The following AP1B1 variants were observed in gnomAD, a reference collection of about 807,000 sequenced individuals.
The protein encoded by AP1B1 is AP-1 complex subunit beta-1.
In AP1B1, 36 loss-of-function variants were observed where a neutral mutation model predicts 104.3. That is an observed-to-expected ratio of 0.35 (90% confidence interval 0.26 to 0.46). The LOEUF is 0.46. AP1B1 is among the 20% of genes least tolerant of loss of function. AP1B1 has a pLI of 1.00. For missense variants in AP1B1, 901 were observed against 1,247.9 expected (o/e 0.72, Z 4.19); for synonymous variants, 504 against 517.5 (o/e 0.97, Z 0.35).
At chr22:29,340,956 G>C (rs1330997444) in intron 13 of AP1B1, 99 bp from the exon 14 acceptor site, 2 of 1,234,926 alleles carry the variant, frequency 1.6e-6, no homozygotes, top group Non-Finnish European at 2.3e-6. Flanking sequence ...GACAGGCACT[G>C]AGTCTCCTCA....
Position 29,351,784 on chromosome 22 carries a change from T to C in AP1B1, c.980A>G (p.Lys327Arg). 3 of 1,614,234 alleles carry C rather than the reference T, an allele frequency of 1.9e-6. No homozygotes were observed. The highest frequency in any genetic ancestry group is 2.5e-6 in the Non-Finnish European group (3 of 1,180,046). Reference sequence around the variant, plus strand: ...CTTCACGTAGATAGGGTCGTTGTACTTCACGAAGAACACCTTCATCTCATG... The same window carrying C: ...CTTCACGTAGATAGGGTCGTTGTACCTCACGAAGAACACCTTCATCTCATG... ...LKHEMKVFFV[K>R]YNDPIYVKLE... The change falls in exon 8 of 23, where the codon AAG (lysine) becomes AGG (arginine). Residue 327 changes from lysine (K) to arginine (R), a missense_variant. Physicochemically the swap from Lys to Arg is conservative, Grantham distance 26. Transcript: ENST00000357586.
At chr22:29,341,894 C>A in intron 12 of AP1B1, 134 bp from the exon 13 acceptor site, 1 of 1,072,370 alleles carries the variant, frequency 9.3e-7, no homozygotes, top group Middle Eastern at 2.9e-4. Context: ...CTCCCATGAG[C>A]CTGCCCCTAT....
rs199700353 is a variant in AP1B1, at chr22:29,334,457, C to A, written c.2164-47G>T. On this transcript the variant is annotated intron_variant, in intron 16 of 22. Coordinates refer to ENST00000357586, the MANE Select transcript of AP1B1 (RefSeq NM_001127.4). ...GGGGGCGGGTAGGTGCCTCTTCCTG[C>A]AGCCCAAACTCAACAGCCCACCTGA... 15 of 1,553,558 alleles carry A rather than the reference C, an allele frequency of 9.7e-6. No individual in the cohort carries two copies. The South Asian group carries it at 1.4e-4, about 15-fold the overall frequency.
intron 21 of AP1B1, 23 bp from the exon 22 acceptor site, chr22:29,329,743 G>C: frequency 6.2e-7 from 1 of 1,613,562 alleles, no homozygotes; most frequent in Non-Finnish European, 8.5e-7. Flanking sequence ...AACCAGCAGG[G>C]AAGGTGACAT....
intron 1 of AP1B1, among the ~76,000 whole-genome samples, chr22:29,368,409 T>C (rs1229252864): frequency 6.6e-6 from 1 of 152,204 alleles, no homozygotes; most frequent in African/African-American, 2.4e-5. Context: ...CAGTAGTTCT[T>C]CTGGGCAACA....
intron 1 of AP1B1, among the ~76,000 whole-genome samples, chr22:29,368,396 C>A (rs1393314632): frequency 2.0e-5 from 3 of 152,256 alleles, no homozygotes; most frequent in Non-Finnish European, 4.4e-5. Context: ...CTCCTATGTA[C>A]CTCAGTAGTT....
At chr22:29,381,685 TAGA>T (rs2062439127) in intron 1 of AP1B1, among the ~76,000 whole-genome samples, 1 of 152,136 alleles carries the variant, frequency 6.6e-6, no homozygotes, top group South Asian at 2.1e-4. Context: ...ATGGCAAGGG[TAGA>T]AGATCAGGTG....
chr22:29,363,406 T>A (rs2062081353), intron 2 of AP1B1, among the ~76,000 whole-genome samples: 1 of 152,162 alleles, frequency 6.6e-6, no homozygotes, highest in Admixed American at 6.5e-5. Flanking sequence ...TCCCAGCACT[T>A]TGGGAGTCCG....
intron 1 of AP1B1, among the ~76,000 whole-genome samples, chr22:29,373,291 G>C (rs112999495): frequency 6.6e-6 from 1 of 152,066 alleles, no homozygotes; most frequent in African/African-American, 2.4e-5. Context: ...AAAAAAGAGT[G>C]GGGGGTGGGG....
intron 2 of AP1B1, among the ~76,000 whole-genome samples, chr22:29,364,607 CG>C (rs892506124): frequency 4.6e-5 from 7 of 152,058 alleles, no homozygotes; most frequent in African/African-American, 1.4e-4. Context: ...TTAGTACAGA[CG>C]GGGTTTCACC....
chr22:29,347,004 T>C (rs1475961195), intron 11 of AP1B1, among the ~76,000 whole-genome samples: 1 of 152,112 alleles, frequency 6.6e-6, no homozygotes, highest in Admixed American at 6.5e-5. Context: ...TGGCTCAGGA[T>C]AATGCAAATA....
At chr22:29,342,593 G>A (rs1218758567) in intron 11 of AP1B1, among the ~76,000 whole-genome samples, 1 of 152,236 alleles carries the variant, frequency 6.6e-6, no homozygotes, top group East Asian at 1.9e-4. Flanking sequence ...ACTCACTCAG[G>A]AAGGAGCTGA....
At chr22:29,352,297 T>G (rs991309644) in intron 7 of AP1B1, among the ~76,000 whole-genome samples, 2 of 152,240 alleles carry the variant, frequency 1.3e-5, no homozygotes, top group African/African-American at 4.8e-5. Flanking sequence ...CCCTAAATGA[T>G]AAAGGTATTT....
At chr22:29,349,937 G>C in intron 10 of AP1B1, 98 bp downstream of exon 10, 1 of 947,392 alleles carries the variant, frequency 1.1e-6, no homozygotes, top group Admixed American at 1.9e-5. Context: ...TTGTGGCCAA[G>C]AAGTAAGGAA....
Position 29,340,740 on chromosome 22 carries a change from G to A in AP1B1, c.1914C>T (p.Gly638=), listed in dbSNP as rs373421984. 33 of 1,595,922 alleles carry A rather than the reference G, an allele frequency of 2.1e-5. No individual in the cohort carries two copies. In the African/African-American group the frequency reaches 4.3e-4, roughly 21 times the overall value. Residue 638 remains glycine, a synonymous_variant, in exon 14 of 23, where the codon GGC becomes GGT. Coordinates refer to ENST00000357586, the MANE Select transcript of AP1B1 (RefSeq NM_001127.4). The part of the protein sequence containing the change: ...LLGDLLNLDL[G]PPVSGPPLAT... ...CCAGGGGTGGGCCGCTCACTGGGGG[G>A]CCGAGGTCCAGGTTGAGGAGGTCAC...
At chr22:29,329,059 G>T in intron 22 of AP1B1, 164 bp from the exon 23 acceptor site, 9 of 1,431,032 alleles carry the variant, frequency 6.3e-6, no homozygotes, top group Non-Finnish European at 8.2e-6. Flanking sequence ...CGGAGGGGGC[G>T]GCTGTCGCAG....
chr22:29,375,113 G>C (rs902402547), intron 1 of AP1B1, among the ~76,000 whole-genome samples: 2 of 152,210 alleles, frequency 1.3e-5, no homozygotes, highest in Non-Finnish European at 2.9e-5. Flanking sequence ...CACTTCGGGA[G>C]GCCGAGGCAG....
chr22:29,329,347 G>A (rs750099949), intron 22 of AP1B1: 30 of 1,198,276 alleles, frequency 2.5e-5, no homozygotes, highest in East Asian at 4.3e-5. Context: ...AAGCAGGCAC[G>A]GTAGAGACTT....
chr22:29,385,161 G>A (rs1051013824), intron 1 of AP1B1, among the ~76,000 whole-genome samples: 1 of 152,208 alleles, frequency 6.6e-6, no homozygotes, highest in African/African-American at 2.4e-5. Flanking sequence ...CAGACAGAAG[G>A]ACTGCTTGAG....
Sources: allele counts gnomAD v4.1 joint callset (sites outside exome capture counted in the v4.1 genomes callset), GRCh38; gene constraint gnomAD v4.1.1; transcripts MANE v1.5; gene names NCBI Gene and HGNC (gene_info 2026-07-23, HGNC 2026-07-21).